USP28: variants seen among roughly 807,000 people sequenced by gnomAD.
The protein encoded by USP28 is ubiquitin specific peptidase 28, also known as ubiquitin carboxyl-terminal hydrolase 28.
Under a neutral mutation model 145.0 loss-of-function variants are expected in USP28, and 113 were observed. That is an observed-to-expected ratio of 0.78 (90% CI 0.67 to 0.91). USP28 has a LOEUF of 0.91. Ranked by LOEUF, USP28 falls within the 40% of genes least tolerant of loss-of-function variation. USP28 has a pLI of 0.00. For synonymous variants in USP28, 447 were observed against 450.9 expected (o/e 0.99, Z 0.11); for missense variants, 1,201 against 1,289.6 (o/e 0.93, Z 1.05).
At chr11:113,807,400 C>A (rs982658328) in intron 18 of USP28, among the ~76,000 whole-genome samples, 2 of 151,548 alleles carry the variant, frequency 1.3e-5, no homozygotes, top group African/African-American at 4.8e-5. Flanking sequence ...TTTTTAAATA[C>A]CCCACAGAAA....
exon 24 of USP28, chr11:113,801,603 T>G (rs763886422): frequency 2.5e-6 from 4 of 1,610,914 alleles, no homozygotes; most frequent in Non-Finnish European, 3.4e-6. Flanking sequence ...ATCAGTTCAT[T>G]CATCACATTA....
chr11:113,839,393 T>C (rs1431647585), intron 5 of USP28, among the ~76,000 whole-genome samples: 1 of 152,084 alleles, frequency 6.6e-6, no homozygotes, highest in Admixed American at 6.6e-5. Context: ...AAGACCAGCA[T>C]GGCCAACATG....
At chr11:113,856,935 C>T (rs1368189603) in intron 1 of USP28, among the ~76,000 whole-genome samples, 1 of 152,144 alleles carries the variant, frequency 6.6e-6, no homozygotes, top group Non-Finnish European at 1.5e-5. Context: ...TAAAAATCTG[C>T]TTGTCCTTAT....
intron 16 of USP28, 70 bp from the exon 17 acceptor site, chr11:113,809,324 GC>G (rs1940579949): frequency 6.8e-7 from 1 of 1,461,878 alleles, no homozygotes; most frequent in African/African-American, 1.4e-5. Flanking sequence ...AAAGAAGAAA[GC>G]AGGGTATTTC....
At chr11:113,840,471 T>C in intron 5 of USP28, 127 bp downstream of exon 5, 1 of 1,215,834 alleles carries the variant, frequency 8.2e-7, no homozygotes, top group Non-Finnish European at 1.1e-6. Context: ...TACACAATAA[T>C]GCCAGAAAAA....
chr11:113,852,354 G>C, intron 3 of USP28, 147 bp downstream of exon 3: 1 of 1,139,452 alleles, frequency 8.8e-7, no homozygotes. Flanking sequence ...TTAGAATTGT[G>C]CCTGCCACAT....
At chr11:113,810,056 A>AAG (rs1565343678) in intron 16 of USP28, among the ~76,000 whole-genome samples, 4 of 151,348 alleles carry the variant, frequency 2.6e-5, no homozygotes. Flanking sequence ...AAAAAAAAAA[A>AAG]AGATTTGGAA....
intron 1 of USP28, among the ~76,000 whole-genome samples, chr11:113,859,830 T>C (rs1947459113): frequency 6.6e-6 from 1 of 152,236 alleles, no homozygotes. Flanking sequence ...TTGCATTTCC[T>C]GAGCTAAATT....
At chr11:113,801,368 T>C in intron 24 of USP28, 115 bp downstream of exon 25, 1 of 730,382 alleles carries the variant, frequency 1.4e-6, no homozygotes, top group Non-Finnish European at 2.1e-6. Context: ...AATTTACTTA[T>C]ATGCTAGAAG....
chr11:113,864,751 T>C (rs946267609), intron 1 of USP28, among the ~76,000 whole-genome samples: 2 of 152,214 alleles, frequency 1.3e-5, no homozygotes, highest in African/African-American at 4.8e-5. Context: ...ATGTTAATCT[T>C]ATCCAGAATC....
At chr11:113,831,958 A>G in exon 8 of USP28, 1 of 1,614,038 alleles carries the variant, frequency 6.2e-7, no homozygotes, top group East Asian at 2.2e-5. Flanking sequence ...CCTCTAGCCA[A>G]TCCAGGAGCT....
chr11:113,860,895 G>C (rs1176712610), intron 1 of USP28, among the ~76,000 whole-genome samples: 1 of 151,582 alleles, frequency 6.6e-6, no homozygotes, highest in Non-Finnish European at 1.5e-5. Flanking sequence ...GAGGCAGGCA[G>C]ATCACGAGGT....
rs538719267 is a variant in USP28, at chr11:113,801,758, T to G, written c.2863-80A>C. 6.1e-5 allele frequency: 75 copies of G among 1,228,064 alleles called. No individual in the cohort carries two copies. In the South Asian group the frequency reaches 1.4e-3, roughly 24 times the overall value. The allele number at this position is 1,228,064 out of a possible 1,614,324, so 76.1% of individuals were successfully genotyped here. ...CTTTAATAACAGTCTAAACAAGTGG[T>G]TCCCAAACTTTACTGCACATTGGAT... On this transcript the variant is annotated intron_variant, in intron 23 of 24. Coordinates refer to ENST00000003302, the Ensembl canonical transcript of USP28.
At chr11:113,859,909 A>AGGTTTGTGTT (rs1295010034) in intron 1 of USP28, among the ~76,000 whole-genome samples, 89 of 152,340 alleles carry the variant, frequency 5.8e-4, no homozygotes, top group African/African-American at 2.1e-3. Flanking sequence ...AGACAGGCAA[A>AGGTTTGTGTT]CACAAACCTT....
At chr11:113,804,877 T>G in exon 20 of USP28, 2 of 1,614,144 alleles carry the variant, frequency 1.2e-6, no homozygotes, top group Non-Finnish European at 1.7e-6. Context: ...CCTTTCATCA[T>G]AGCTAAGATT....
At chr11:113,851,125 G>C (rs1034592353) in intron 3 of USP28, among the ~76,000 whole-genome samples, 1 of 152,010 alleles carries the variant, frequency 6.6e-6, no homozygotes, top group African/African-American at 2.4e-5. Context: ...ATATATGCCG[G>C]AATGCCAGCA....
intron 1 of USP28, among the ~76,000 whole-genome samples, chr11:113,863,932 G>A (rs1204038592): frequency 2.0e-5 from 3 of 148,112 alleles, no homozygotes; most frequent in African/African-American, 5.0e-5. Flanking sequence ...GCGACACAGC[G>A]AGACTCCGTC....
At chr11:113,849,504 G>GGTCA (rs34571965) in intron 3 of USP28, among the ~76,000 whole-genome samples, 9,826 of 152,216 alleles carry the variant, frequency 0.065, 425 homozygotes, top group Non-Finnish European at 0.089. Flanking sequence ...AGTGGCCAGT[G>GGTCA]GTCACATGAT....
intron 3 of USP28, among the ~76,000 whole-genome samples, chr11:113,850,717 G>A (rs1012439471): frequency 6.6e-6 from 1 of 152,104 alleles, no homozygotes; most frequent in Non-Finnish European, 1.5e-5. Context: ...CTGAACATAG[G>A]CAGCAACCAG....
Sources: gnomAD v4.1 joint callset for allele counts (sites outside exome capture counted in the v4.1 genomes callset) on GRCh38, gnomAD v4.1.1 for gene constraint, MANE v1.5 for transcripts, NCBI Gene and HGNC (gene_info 2026-07-23, HGNC 2026-07-21) for gene names.